SLC2A13: variants seen among roughly 807,000 people sequenced by gnomAD.
The protein encoded by SLC2A13 is proton myo-inositol cotransporter.
A neutral mutation model predicts 64.4 loss-of-function variants in SLC2A13; 32 were observed. That is an observed-to-expected ratio of 0.50 (90% CI 0.37 to 0.67). The LOEUF is 0.67. Ranked by LOEUF, SLC2A13 falls within the 30% of genes least tolerant of loss-of-function variation. SLC2A13 has a pLI of 0.00. For synonymous variants in SLC2A13, 338 were observed against 327.1 expected (o/e 1.03, Z -0.36); for missense variants, 743 against 829.2 (o/e 0.90, Z 1.28).
chr12:39,813,609 T>C (rs1566820868), intron 7 of SLC2A13, among the ~76,000 whole-genome samples: 1 of 152,306 alleles, frequency 6.6e-6, no homozygotes, highest in East Asian at 1.9e-4. Context: ...TGTTCACACT[T>C]TCCTGGTTGT....
intron 1 of SLC2A13, among the ~76,000 whole-genome samples, chr12:40,052,266 A>C (rs921658242): frequency 2.6e-5 from 4 of 152,154 alleles, no homozygotes; most frequent in African/African-American, 9.7e-5. Context: ...CAGATTATTT[A>C]CATGTGAGTG....
chr12:39,886,280 A>G (rs1292765429), intron 4 of SLC2A13, among the ~76,000 whole-genome samples: 1 of 152,194 alleles, frequency 6.6e-6, no homozygotes, highest in Non-Finnish European at 1.5e-5. Context: ...ATGCGGGCAT[A>G]TTGACAGCGC....
intron 4 of SLC2A13, among the ~76,000 whole-genome samples, chr12:39,906,876 G>T (rs1024765242): frequency 6.6e-6 from 1 of 151,926 alleles, no homozygotes; most frequent in South Asian, 2.1e-4. Flanking sequence ...AATTATGAGG[G>T]AAGATAAAGT....
intron 6 of SLC2A13, among the ~76,000 whole-genome samples, chr12:39,854,303 C>A (rs993368774): frequency 6.6e-6 from 1 of 151,870 alleles, no homozygotes; most frequent in African/African-American, 2.4e-5. Context: ...AGGTAATATT[C>A]AAAAAGAATA....
At chr12:39,888,796 A>G (rs1473779161) in intron 4 of SLC2A13, among the ~76,000 whole-genome samples, 1 of 152,192 alleles carries the variant, frequency 6.6e-6, no homozygotes. Flanking sequence ...AAAATTTTAT[A>G]ATATTATATT....
At chr12:40,036,672 A>T (rs1565599826) in intron 2 of SLC2A13, among the ~76,000 whole-genome samples, 1 of 152,106 alleles carries the variant, frequency 6.6e-6, no homozygotes, top group Non-Finnish European at 1.5e-5. Flanking sequence ...GACTGTCCTG[A>T]TTACTTTAGT....
intron 3 of SLC2A13, among the ~76,000 whole-genome samples, chr12:40,018,764 G>A (rs1188864125): frequency 6.6e-6 from 1 of 152,090 alleles, no homozygotes; most frequent in African/African-American, 2.4e-5. Context: ...AACAGGGAAG[G>A]TCAGGGGATG....
chr12:39,903,596 C>A (rs1366047197), intron 4 of SLC2A13, among the ~76,000 whole-genome samples: 2 of 151,964 alleles, frequency 1.3e-5, no homozygotes, highest in Non-Finnish European at 2.9e-5. Flanking sequence ...CTCATGAGTT[C>A]TAGTTTTCAA....
At chr12:39,962,153 A>G (rs1000082720) in intron 3 of SLC2A13, among the ~76,000 whole-genome samples, 1 of 152,206 alleles carries the variant, frequency 6.6e-6, no homozygotes, top group Non-Finnish European at 1.5e-5. Context: ...GTGCAGTGGC[A>G]TGATTTCAGC....
At chr12:39,950,736 A>T in intron 4 of SLC2A13, 1 of 152,528 alleles carries the variant, frequency 6.6e-6, no homozygotes, top group East Asian at 1.9e-4. Flanking sequence ...TCTTAAAATT[A>T]GAGAACAGGG....
intron 3 of SLC2A13, among the ~76,000 whole-genome samples, chr12:39,955,323 G>A (rs1946297560): frequency 6.6e-6 from 1 of 152,130 alleles, no homozygotes; most frequent in South Asian, 2.1e-4. Context: ...AAAAATTTGT[G>A]GAATGGAGCT....
In SLC2A13 at chr12:39,764,453, A is replaced by G. The variant is rs369015366; in HGVS notation, c.1720+7T>C. The stretch of plus-strand genomic sequence containing the variant: ...ACAAAACTATGTTAGAAAAAATATT[A>G]TCTTACCATAGTATGTAAGATACTC... On this transcript the variant is annotated splice_region_variant and intron_variant, in intron 9 of 9. Transcript: ENST00000280871. The G allele has an allele frequency of 4.2e-5, 66 of 1,558,714 alleles. No homozygotes were observed. The African/African-American group carries it at 8.2e-4, about 19-fold the overall frequency.
intron 3 of SLC2A13, among the ~76,000 whole-genome samples, chr12:39,967,643 G>A (rs1239618277): frequency 6.6e-6 from 1 of 152,036 alleles, no homozygotes; most frequent in East Asian, 1.9e-4. Context: ...AATGTTTTAG[G>A]AAAATAGTGA....
intron 1 of SLC2A13, among the ~76,000 whole-genome samples, chr12:40,080,956 T>C (rs955613432): frequency 6.6e-6 from 1 of 152,232 alleles, no homozygotes; most frequent in African/African-American, 2.4e-5. Flanking sequence ...CCTTTGTTTA[T>C]GAAGTTTAGT....
chr12:39,789,426 C>T (rs1941300481), intron 7 of SLC2A13, among the ~76,000 whole-genome samples: 1 of 152,128 alleles, frequency 6.6e-6, no homozygotes. Flanking sequence ...TATGAAAATA[C>T]ATCAGTTTAT....
Position 40,105,176 on chromosome 12 carries a change from G to A in SLC2A13, c.556+77C>T. 7.0e-7 allele frequency: 1 copy of A among 1,435,260 alleles called. No individual in the cohort carries two copies. The highest frequency in any genetic ancestry group is 1.5e-5 in the South Asian group (1 of 68,400). 88.9% of individuals were successfully genotyped at this position (1,435,260 alleles called of 1,614,324 possible). On this transcript the variant is annotated intron_variant, in intron 1 of 9. Transcript: ENST00000280871. This position sits in a 1 kb window ranked among gnomAD's most constrained non-coding sequence, Gnocchi z 4.2. ...GGAGACCAGACGGGGACCCCGATGGGCAAGAGGCACGCAACACCCAGGGTC... is the reference window on the plus strand; with the variant it reads ...GGAGACCAGACGGGGACCCCGATGGACAAGAGGCACGCAACACCCAGGGTC...
At chr12:40,028,064 T>C (rs1365190887) in intron 3 of SLC2A13, among the ~76,000 whole-genome samples, 1 of 152,092 alleles carries the variant, frequency 6.6e-6, no homozygotes, top group Non-Finnish European at 1.5e-5. Context: ...AAACGAAGCA[T>C]TTTAATTTTT....
intron 4 of SLC2A13, among the ~76,000 whole-genome samples, chr12:39,922,744 C>T (rs1335807344): frequency 6.6e-6 from 1 of 152,112 alleles, no homozygotes; most frequent in Non-Finnish European, 1.5e-5. Flanking sequence ...ACTTTTTTCT[C>T]TAGTATTTTC....
At chr12:40,052,546 C>A (rs1232185811) in intron 1 of SLC2A13, among the ~76,000 whole-genome samples, 1 of 151,768 alleles carries the variant, frequency 6.6e-6, no homozygotes. Context: ...AAGGGAGTAA[C>A]CCTTGAGCAG....
Sources: allele counts gnomAD v4.1 joint callset (sites outside exome capture counted in the v4.1 genomes callset), GRCh38; gene constraint gnomAD v4.1.1; non-coding constraint Gnocchi (gnomAD v3.1); transcripts MANE v1.5; gene names NCBI Gene and HGNC (gene_info 2026-07-23, HGNC 2026-07-21).